GRIP1: variants seen among roughly 807,000 people sequenced by gnomAD.
GRIP1 encodes glutamate receptor interacting protein 1.
GRIP1 carries 45 observed loss-of-function variants against 129.9 expected under a neutral mutation model. The observed-to-expected ratio is 0.35, with a 90% confidence interval of 0.27 to 0.44. GRIP1 has a LOEUF of 0.44. GRIP1 is among the 20% of genes least tolerant of loss of function. The pLI, the probability that GRIP1 is intolerant of heterozygous loss-of-function variation, is 1.00. For missense variants in GRIP1, 1,196 were observed against 1,396.8 expected (o/e 0.86, Z 2.29); for synonymous variants, 530 against 520.8 (o/e 1.02, Z -0.24).
At chr12:66,699,639 T>C (rs1261903108) in intron 1 of GRIP1, among the ~76,000 whole-genome samples, 2 of 152,190 alleles carry the variant, frequency 1.3e-5, no homozygotes, top group Admixed American at 6.5e-5. Flanking sequence ...GTCTTGGGAA[T>C]GTCTTTATTA....
rs148320824 is a variant in GRIP1, at chr12:66,674,212, G to A, written c.55+4638C>T. On this transcript the variant is annotated intron_variant, in intron 1 of 24. Transcript: ENST00000359742. ...ATGATCAGTTCTGAATCATATCACA[G>A]AGTGGATGAGGAATCATTAGAGAAG... 3.3e-5 allele frequency among the ~76,000 whole-genome samples: 5 copies of A among 152,254 alleles called. No individual in the cohort carries two copies. The East Asian group carries it at 7.7e-4, about 24-fold the overall frequency.
intron 1 of GRIP1, among the ~76,000 whole-genome samples, chr12:66,826,795 G>A (rs1363207596): frequency 6.8e-6 from 1 of 146,562 alleles, no homozygotes; most frequent in African/African-American, 2.8e-5. Flanking sequence ...AAATTGGAGT[G>A]AAGGCAGGAA....
At chr12:66,611,533 T>C (rs1032034262) in intron 1 of GRIP1, among the ~76,000 whole-genome samples, 1 of 152,154 alleles carries the variant, frequency 6.6e-6, no homozygotes, top group Non-Finnish European at 1.5e-5. Context: ...ATAATTAAGA[T>C]GAAATATAAT....
chr12:66,530,040 T>C, intron 4 of GRIP1, 126 bp from the exon 5 acceptor site: 1 of 672,916 alleles, frequency 1.5e-6, no homozygotes, highest in Non-Finnish European at 2.6e-6. Context: ...AAGCAACAAT[T>C]CCTTTTCAAA....
At chr12:66,583,255 T>G (rs2063477161) in intron 2 of GRIP1, among the ~76,000 whole-genome samples, 2 of 150,652 alleles carry the variant, frequency 1.3e-5, no homozygotes, top group South Asian at 4.2e-4. Flanking sequence ...CAAAAATTAA[T>G]TCAAGATGGA....
chr12:66,776,740 G>T (rs990063765), intron 1 of GRIP1, among the ~76,000 whole-genome samples: 6 of 152,212 alleles, frequency 3.9e-5, no homozygotes, highest in African/African-American at 1.4e-4. Flanking sequence ...TGCTCAAAGT[G>T]ACGCCAATAA....
intron 1 of GRIP1, among the ~76,000 whole-genome samples, chr12:66,967,141 G>A (rs1188192334): frequency 6.6e-6 from 1 of 152,000 alleles, no homozygotes; most frequent in Admixed American, 6.6e-5. Context: ...TGCTTTCCTT[G>A]CATCCCACAA....
intron 1 of GRIP1, among the ~76,000 whole-genome samples, chr12:66,913,933 A>C (rs1166309603): frequency 6.6e-6 from 1 of 152,172 alleles, no homozygotes; most frequent in African/African-American, 2.4e-5. Context: ...AAGTATCATC[A>C]CTAGCCTGGA....
intron 1 of GRIP1, among the ~76,000 whole-genome samples, chr12:67,024,775 C>CA (rs138461029): frequency 0.11 from 17,380 of 151,530 alleles, 1,333 homozygotes; most frequent in East Asian, 0.26. Flanking sequence ...GGTACAATGA[C>CA]AAAAAAAAGA....
chr12:66,535,632 C>CT (rs2061582794), intron 4 of GRIP1, among the ~76,000 whole-genome samples: 1 of 152,182 alleles, frequency 6.6e-6, no homozygotes, highest in South Asian at 2.1e-4. Flanking sequence ...CCTTTACACT[C>CT]TATTTTATTG....
At chr12:67,068,328 C>T (rs2043666691) in intron 1 of GRIP1, among the ~76,000 whole-genome samples, 1 of 152,204 alleles carries the variant, frequency 6.6e-6, no homozygotes, top group African/African-American at 2.4e-5. Flanking sequence ...CAGAGAGCCG[C>T]CTTTTGCAAA....
At chr12:66,393,988 A>G (rs1310660135) in intron 17 of GRIP1, among the ~76,000 whole-genome samples, 1 of 152,188 alleles carries the variant, frequency 6.6e-6, no homozygotes, top group East Asian at 1.9e-4. Context: ...AGAGAGTAGT[A>G]TCAATGCTAA....
chr12:66,714,886 CCCAT>C (rs71069016), intron 1 of GRIP1, among the ~76,000 whole-genome samples: 81,686 of 147,502 alleles, frequency 0.55, 22,739 homozygotes, highest in South Asian at 0.59. Flanking sequence ...ATTCAATCCA[CCCAT>C]CCATCCATCC....
At chr12:66,489,510 T>C (rs914247776) in intron 7 of GRIP1, among the ~76,000 whole-genome samples, 45 of 152,100 alleles carry the variant, frequency 3.0e-4, no homozygotes, top group Admixed American at 2.9e-3. Flanking sequence ...GCCAATATCA[T>C]ACTGAATGGG....
intron 1 of GRIP1, among the ~76,000 whole-genome samples, chr12:66,839,672 G>C (rs10506504): frequency 0.16 from 24,590 of 152,174 alleles, 2,142 homozygotes; most frequent in East Asian, 0.37. Flanking sequence ...AATAGGAATT[G>C]ATAGCACAGT....
chr12:66,751,774 G>A (rs189262895), intron 1 of GRIP1, among the ~76,000 whole-genome samples: 2 of 152,276 alleles, frequency 1.3e-5, no homozygotes, highest in East Asian at 3.9e-4. Context: ...TTAGGTTTGT[G>A]TCAAATTTAT....
intron 7 of GRIP1, among the ~76,000 whole-genome samples, chr12:66,504,018 G>C (rs1457434983): frequency 2.6e-5 from 4 of 151,092 alleles, no homozygotes; most frequent in Non-Finnish European, 5.9e-5. Context: ...CCAAGTGCCT[G>C]AGGGACAGGC....
At chr12:66,649,420 T>G (rs1391973716) in intron 1 of GRIP1, among the ~76,000 whole-genome samples, 1 of 152,174 alleles carries the variant, frequency 6.6e-6, no homozygotes, top group Non-Finnish European at 1.5e-5. Context: ...GGTCCAGAAA[T>G]TTGTACTAAG....
chr12:67,003,043 G>A (rs2042575171), intron 1 of GRIP1, among the ~76,000 whole-genome samples: 1 of 152,058 alleles, frequency 6.6e-6, no homozygotes, highest in African/African-American at 2.4e-5. Context: ...AAATGGCAGC[G>A]ATGGTCTGGA....
Sources: allele counts gnomAD v4.1 joint callset (sites outside exome capture counted in the v4.1 genomes callset), GRCh38; gene constraint gnomAD v4.1.1; transcripts MANE v1.5; gene names NCBI Gene and HGNC (gene_info 2026-07-23, HGNC 2026-07-21).